YBX1: variants seen among roughly 807,000 people sequenced by gnomAD.
YBX1 encodes the protein Y-box binding protein 1, also known as Y-box-binding protein 1.
YBX1 carries 3 observed loss-of-function variants against 41.4 expected under a neutral mutation model. The observed-to-expected ratio is 0.07, with a 90% CI of 0.03 to 0.19. The LOEUF is 0.19. Ranked by LOEUF, YBX1 falls within the 10% of genes least tolerant of loss-of-function variation. The pLI is 1.00. For synonymous variants in YBX1, 133 were observed against 165.8 expected (o/e 0.80, Z 1.52); for missense variants, 274 against 462.8 (o/e 0.59, Z 3.74).
intron 6 of YBX1, among the ~76,000 whole-genome samples, chr1:42,698,074 C>T (rs1286868017): frequency 6.6e-6 from 1 of 152,098 alleles, no homozygotes; most frequent in Non-Finnish European, 1.5e-5. Flanking sequence ...CTTTTAAATC[C>T]CCAAATTTTT....
chr1:42,684,298 C>T (rs985051702), intron 2 of YBX1, among the ~76,000 whole-genome samples: 9 of 152,298 alleles, frequency 5.9e-5, no homozygotes, highest in Non-Finnish European at 1.0e-4. Context: ...TCCATGGGCT[C>T]CCTTGTAAGC....
chr1:42,684,309 C>G (rs965469354), intron 2 of YBX1, among the ~76,000 whole-genome samples: 5 of 152,214 alleles, frequency 3.3e-5, no homozygotes, highest in African/African-American at 7.2e-5. Context: ...CCTTGTAAGC[C>G]GGGCATCATT....
rs149778776 is a variant in YBX1 at position 42,695,481 on chromosome 1, A to G, written c.265-718A>G. Reference sequence around the variant, plus strand: ...ATGTCCTGTCTCATAATGAGATTGAATAGATAGTAAGTGAAAGAATGTTGC... The same window carrying G: ...ATGTCCTGTCTCATAATGAGATTGAGTAGATAGTAAGTGAAAGAATGTTGC... On this transcript the variant is annotated intron_variant, in intron 3 of 7. Transcript: ENST00000321358. Among the ~76,000 whole-genome samples, 460 of 152,340 alleles carry G rather than the reference A, an allele frequency of 3.0e-3. 4 individuals carry two copies. The highest frequency in any genetic ancestry group is 0.017 in the Middle Eastern group (5 of 294).
intron 2 of YBX1, among the ~76,000 whole-genome samples, chr1:42,683,899 C>T (rs372601196): frequency 4.6e-5 from 7 of 152,110 alleles, no homozygotes; most frequent in East Asian, 1.9e-4. Flanking sequence ...GAGGATTTGA[C>T]TATATGAGGT....
At chr1:42,693,425 T>C (rs1400444770) in intron 2 of YBX1, 65 bp from the exon 3 acceptor site, 1 of 1,597,518 alleles carries the variant, frequency 6.3e-7, no homozygotes, top group African/African-American at 1.3e-5. Context: ...TCTGGGAAAA[T>C]TAATCTTTGA....
chr1:42,691,894 C>G (rs1650348336), intron 2 of YBX1, among the ~76,000 whole-genome samples: 1 of 151,994 alleles, frequency 6.6e-6, no homozygotes. Context: ...TGGAATCTCA[C>G]TCTGTTGCCC....
rs1409453798 is a variant in YBX1 at position 42,702,003 on chromosome 1, A to C, written c.*54A>C. The C allele has an allele frequency of 6.4e-6, 1 of 156,848 alleles. No individual in the cohort carries two copies. Among genetic ancestry groups the C allele is most frequent in the Non-Finnish European group, 1.5e-5 (1 of 68,074 alleles). The allele number at this position is 156,848 out of a possible 1,614,324, so 9.7% of individuals were successfully genotyped here. ...CAGTTTAGTCATCCAACAAGAAGAA[A>C]TATGAAATTCCAGCAATAAGAAATG... On this transcript the variant is annotated 3_prime_UTR_variant, in exon 8 of 8. Transcript: ENST00000321358.
At chr1:42,690,752 C>G (rs1650310201) in intron 2 of YBX1, among the ~76,000 whole-genome samples, 1 of 152,224 alleles carries the variant, frequency 6.6e-6, no homozygotes, top group Admixed American at 6.5e-5. Flanking sequence ...CCTAACTACC[C>G]TGTGCCATTT....
intron 5 of YBX1, 88 bp downstream of exon 5, chr1:42,697,032 C>T (rs1450515443): frequency 1.4e-6 from 2 of 1,458,118 alleles, no homozygotes; most frequent in Non-Finnish European, 1.8e-6. Context: ...ACTTGGATTC[C>T]TAGTAAGAAC....
Position 42,682,736 on chromosome 1 carries a change from G to A in YBX1, c.166+5G>A. 4 of 1,229,324 alleles carry A rather than the reference G, an allele frequency of 3.3e-6. No individual in the cohort carries two copies. Among genetic ancestry groups the A allele is most frequent in the Non-Finnish European group, 4.0e-6 (4 of 988,674 alleles). The allele number at this position is 1,229,324 out of a possible 1,614,324, so 76.2% of individuals were successfully genotyped here. On this transcript the variant is annotated splice_donor_5th_base_variant and intron_variant, in intron 1 of 7. Transcript: ENST00000321358. ...GCGGGGACAAGAAGGTCATCGGTGA[G>A]GACCGGACAGGGACGGGGGTGGGGC...
intron 3 of YBX1, among the ~76,000 whole-genome samples, chr1:42,695,254 G>A (rs972036236): frequency 6.6e-6 from 1 of 152,150 alleles, no homozygotes; most frequent in Non-Finnish European, 1.5e-5. Context: ...CCTCAGATTC[G>A]TTGATTGTCC....
Position 42,685,271 on chromosome 1 carries a change from A to G in YBX1, c.230+1805A>G, listed in dbSNP as rs150052536. On this transcript the variant is annotated intron_variant, in intron 2 of 7. Transcript: ENST00000321358. ...GAGATACTGTTCATTGAATATCTCT[A>G]TTCTGAATTGGAATCAACTCAATTG... Among the ~76,000 whole-genome samples, 292 of 152,246 alleles carry G rather than the reference A, an allele frequency of 1.9e-3. 2 individuals carry two copies. Among genetic ancestry groups the G allele is most frequent in the Non-Finnish European group, 3.1e-3 (210 of 68,020 alleles).
At position 42,696,514 on chromosome 1, in the gene YBX1, C is replaced by A. The variant is rs1013935839; in HGVS notation, c.355-128C>A. 39 of 671,562 alleles carry A rather than the reference C, an allele frequency of 5.8e-5. No homozygotes were observed. Among genetic ancestry groups the A allele is most frequent in the Non-Finnish European group, 1.7e-5 (7 of 417,640 alleles). 41.6% of individuals were successfully genotyped at this position (671,562 alleles called of 1,614,324 possible). A position where few individuals can be genotyped will look rare whatever the true frequency, so the allele number is the denominator to read the frequency against. On this transcript the variant is annotated intron_variant, in intron 4 of 7. Coordinates refer to ENST00000321358, the MANE Select transcript of YBX1 (RefSeq NM_004559.5). This position sits in a 1 kb window ranked among gnomAD's most constrained non-coding sequence, Gnocchi z 5.7. ...GCACCCCTGGTCACGCAGTTGCGCC[C>A]CCCCCCCCTTTTTTTTCCTTAACTT...
At chr1:42,701,601 A>G (rs2148743630) in intron 7 of YBX1, among the ~76,000 whole-genome samples, 1 of 152,196 alleles carries the variant, frequency 6.6e-6, no homozygotes, top group African/African-American at 2.4e-5. Flanking sequence ...AACTCCTAGA[A>G]TGACACGTGG....
rs1319550668 is a variant in YBX1 at position 42,703,222 on chromosome 1, CCT to C, written c.*1278_*1279del. On this transcript the variant is annotated 3_prime_UTR_variant, in exon 8 of 8. Transcript: ENST00000321358. Reference sequence around the variant, plus strand: ...TACAGGTGTGAGCCACCGCACCTGGCCTCTCTGGCTTTTGTTTTCTAATGTTT... The same window carrying C: ...TACAGGTGTGAGCCACCGCACCTGGCCTCTGGCTTTTGTTTTCTAATGTTT... Among the ~76,000 whole-genome samples the C allele has an allele frequency of 2.0e-5, 3 of 152,144 alleles. No homozygotes were observed. The highest frequency in any genetic ancestry group is 2.9e-5 in the Non-Finnish European group (2 of 68,030).
At chr1:42,687,471 AG>A (rs1276184934) in intron 2 of YBX1, among the ~76,000 whole-genome samples, 15 of 152,206 alleles carry the variant, frequency 9.9e-5, no homozygotes, top group Non-Finnish European at 1.0e-4. Flanking sequence ...TAGTGGAAAC[AG>A]GGTTTCTCCA....
chr1:42,697,056 T>C (rs1382521862), intron 5 of YBX1, 112 bp downstream of exon 5: 1 of 1,453,316 alleles, frequency 6.9e-7, no homozygotes, highest in African/African-American at 1.4e-5. Context: ...AAGGATTAAT[T>C]TATAATGTAG....
At chr1:42,693,230 C>T (rs1650382066) in intron 2 of YBX1, among the ~76,000 whole-genome samples, 1 of 151,462 alleles carries the variant, frequency 6.6e-6, no homozygotes, top group Admixed American at 6.6e-5. Flanking sequence ...CATTGCTACC[C>T]TCTTAATTAT....
chr1:42,688,635 T>C (rs528154984), intron 2 of YBX1, among the ~76,000 whole-genome samples: 70 of 152,322 alleles, frequency 4.6e-4, no homozygotes, highest in African/African-American at 1.6e-3. Flanking sequence ...AAAGAACTTG[T>C]AGTACACAGG....
Sources: gnomAD v4.1 joint callset for allele counts (sites outside exome capture counted in the v4.1 genomes callset) on GRCh38, gnomAD v4.1.1 for gene constraint, Gnocchi (gnomAD v3.1) non-coding constraint, MANE v1.5 for transcripts, NCBI Gene and HGNC (gene_info 2026-07-23, HGNC 2026-07-21) for gene names.